MAPK4: variants seen among roughly 807,000 people sequenced by gnomAD.
MAPK4 encodes the protein mitogen-activated protein kinase 4.
In MAPK4, 22 loss-of-function variants were observed where a neutral mutation model predicts 47.7. The ratio of observed to expected loss-of-function variants is 0.46; its 90% CI spans 0.33 to 0.66. The LOEUF is 0.66. Among genes scored for constraint, MAPK4 ranks in the 30% least tolerant of loss-of-function variants. MAPK4 has a pLI of 0.02. For missense variants in MAPK4, 736 were observed against 831.7 expected (o/e 0.88, Z 1.42); for synonymous variants, 390 against 365.7 (o/e 1.07, Z -0.76).
intron 2 of MAPK4, among the ~76,000 whole-genome samples, chr18:50,687,380 C>G (rs59752508): frequency 0.18 from 28,012 of 152,076 alleles, 2,803 homozygotes; most frequent in East Asian, 0.35. Flanking sequence ...GCCAGTAGCT[C>G]CACCCCTCAA....
At chr18:50,695,176 T>C (rs1909434164) in intron 2 of MAPK4, among the ~76,000 whole-genome samples, 1 of 151,766 alleles carries the variant, frequency 6.6e-6, no homozygotes, top group African/African-American at 2.4e-5. Context: ...TGAAACCCCG[T>C]GTCTACTAAA....
At chr18:50,584,073 A>G (rs1475522527) in intron 1 of MAPK4, among the ~76,000 whole-genome samples, 1 of 152,200 alleles carries the variant, frequency 6.6e-6, no homozygotes, top group African/African-American at 2.4e-5. Context: ...GAGTGCCTGA[A>G]GTCTTCTTGC....
At chr18:50,617,202 A>C (rs2042692266) in intron 1 of MAPK4, among the ~76,000 whole-genome samples, 1 of 150,384 alleles carries the variant, frequency 6.6e-6, no homozygotes, top group South Asian at 2.2e-4. Flanking sequence ...GGCATAGTAG[A>C]GCCAGCCCAT....
intron 1 of MAPK4, among the ~76,000 whole-genome samples, chr18:50,561,737 A>G (rs972928806): frequency 6.6e-6 from 1 of 152,196 alleles, no homozygotes; most frequent in Non-Finnish European, 1.5e-5. Context: ...CTAGTCTTCT[A>G]CACTTGAGGG....
chr18:50,634,995 G>A (rs2042871027), intron 1 of MAPK4, among the ~76,000 whole-genome samples: 1 of 152,190 alleles, frequency 6.6e-6, no homozygotes, highest in African/African-American at 2.4e-5. Flanking sequence ...AGACTCTCCA[G>A]GGGAAGGATC....
chr18:50,614,926 G>A (rs2042670727), intron 1 of MAPK4, among the ~76,000 whole-genome samples: 1 of 152,186 alleles, frequency 6.6e-6, no homozygotes, highest in African/African-American at 2.4e-5. Context: ...GAGTTGTTGA[G>A]TCAATACTTA....
chr18:50,684,057 G>C (rs1908733222), intron 2 of MAPK4, among the ~76,000 whole-genome samples: 1 of 152,180 alleles, frequency 6.6e-6, no homozygotes, highest in Admixed American at 6.5e-5. Context: ...GAGCCAGAGA[G>C]AGCCAGGTTG....
intron 1 of MAPK4, among the ~76,000 whole-genome samples, chr18:50,639,053 G>C (rs1175926527): frequency 6.6e-6 from 1 of 152,174 alleles, no homozygotes; most frequent in African/African-American, 2.4e-5. Context: ...CAGGCAGATG[G>C]GGGAGAGCAG....
intron 1 of MAPK4, among the ~76,000 whole-genome samples, chr18:50,645,382 T>C (rs2042979786): frequency 6.6e-6 from 1 of 152,150 alleles, no homozygotes; most frequent in African/African-American, 2.4e-5. Flanking sequence ...GCTTTAGAAA[T>C]GACAGCACCA....
intron 1 of MAPK4, among the ~76,000 whole-genome samples, chr18:50,587,469 G>T (rs1392042048): frequency 6.6e-5 from 10 of 152,130 alleles, no homozygotes; most frequent in Non-Finnish European, 1.5e-4. Flanking sequence ...GTAAGACAGG[G>T]AGGGGTTAAA....
Position 50,663,756 on chromosome 18 carries a change from C to G in MAPK4, c.-203C>G. ...CAGGTTAAGACGACAGCCTGCGCCC[C>G]CAACTAGCACAGCTCAGCGAGCATG... is the stretch of plus-strand genomic sequence containing the variant. On this transcript the variant is annotated 5_prime_UTR_variant, in exon 2 of 6. Coordinates refer to ENST00000400384, the MANE Select transcript of MAPK4 (RefSeq NM_002747.4). 2 of 506,960 alleles carry G rather than the reference C, an allele frequency of 3.9e-6. No individual in the cohort carries two copies. The highest frequency in any genetic ancestry group is 1.9e-5 in the African/African-American group (1 of 52,572). 31.4% of individuals were successfully genotyped at this position (506,960 alleles called of 1,614,324 possible).
intron 1 of MAPK4, among the ~76,000 whole-genome samples, chr18:50,645,654 C>A (rs562574054): frequency 3.3e-5 from 5 of 152,288 alleles, no homozygotes; most frequent in African/African-American, 9.6e-5. Flanking sequence ...CATGGCAAGC[C>A]AATGGGAATT....
intron 4 of MAPK4, among the ~76,000 whole-genome samples, chr18:50,722,668 T>C (rs902160128): frequency 1.5e-4 from 23 of 152,238 alleles, no homozygotes; most frequent in Admixed American, 1.5e-3. Flanking sequence ...TTGTGACAGG[T>C]GCAGAACAAG....
chr18:50,595,144 G>A (rs2042470737), intron 1 of MAPK4, among the ~76,000 whole-genome samples: 1 of 152,140 alleles, frequency 6.6e-6, no homozygotes, highest in Admixed American at 6.5e-5. Flanking sequence ...GAACTGTTTG[G>A]CAATTCTTAT....
chr18:50,661,138 A>C (rs967727951), intron 1 of MAPK4, among the ~76,000 whole-genome samples: 3 of 152,210 alleles, frequency 2.0e-5, no homozygotes, highest in Non-Finnish European at 2.9e-5. Flanking sequence ...AGGCTTAAGC[A>C]TGTCTCTTCC....
intron 1 of MAPK4, among the ~76,000 whole-genome samples, chr18:50,610,164 T>G (rs1435059337): frequency 6.6e-6 from 1 of 152,184 alleles, no homozygotes; most frequent in East Asian, 1.9e-4. Context: ...TAAACAGGCA[T>G]GGGAGGCCTA....
intron 5 of MAPK4, among the ~76,000 whole-genome samples, chr18:50,727,091 C>T (rs1350862361): frequency 1.3e-5 from 2 of 152,204 alleles, no homozygotes; most frequent in African/African-American, 4.8e-5. Context: ...AATGAATCAG[C>T]GTTGGGTAGA....
At chr18:50,682,555 T>C (rs554108545) in intron 2 of MAPK4, among the ~76,000 whole-genome samples, 146 of 152,304 alleles carry the variant, frequency 9.6e-4, no homozygotes, top group African/African-American at 3.3e-3. Context: ...TTTTAGCAAA[T>C]TGAAGCCAAC....
At chr18:50,666,358 G>A (rs1907601567) in intron 2 of MAPK4, among the ~76,000 whole-genome samples, 2 of 152,106 alleles carry the variant, frequency 1.3e-5, no homozygotes, top group African/African-American at 4.8e-5. Flanking sequence ...TCTTTGACAG[G>A]GATAATAATT....
Sources: gnomAD v4.1 joint callset for allele counts (sites outside exome capture counted in the v4.1 genomes callset) on GRCh38, gnomAD v4.1.1 for gene constraint, MANE v1.5 for transcripts, NCBI Gene and HGNC (gene_info 2026-07-23, HGNC 2026-07-21) for gene names.